Variants in ROBO2 observed in about 807,000 individuals in gnomAD.
The protein encoded by ROBO2 is roundabout guidance receptor 2, also known as roundabout homolog 2.
ROBO2 carries 53 observed loss-of-function variants against 160.8 expected under a neutral mutation model. That is an observed-to-expected ratio of 0.33 (90% CI 0.26 to 0.41). The LOEUF (loss-of-function observed/expected upper bound fraction) is 0.41. ROBO2 is among the 10% of genes least tolerant of loss of function. The pLI is 1.00. For synonymous variants in ROBO2, 664 were observed against 611.7 expected (o/e 1.09, Z -1.26); for missense variants, 1,577 against 1,722.4 (o/e 0.92, Z 1.49).
At chr3:76,009,141 C>G (rs527634326) in intron 2 of ROBO2, among the ~76,000 whole-genome samples, 2 of 152,098 alleles carry the variant, frequency 1.3e-5, no homozygotes, top group Admixed American at 6.6e-5. Context: ...CTTGCTCTGT[C>G]GCCCAGGCTG....
At chr3:75,912,759 A>T (rs2106747665) in intron 1 of ROBO2, among the ~76,000 whole-genome samples, 1 of 152,302 alleles carries the variant, frequency 6.6e-6, no homozygotes, top group South Asian at 2.1e-4. Flanking sequence ...TGATAGTGAT[A>T]ATTACAGCAA....
At chr3:76,011,651 G>A (rs1324248181) in intron 2 of ROBO2, among the ~76,000 whole-genome samples, 1 of 152,098 alleles carries the variant, frequency 6.6e-6, no homozygotes, top group Non-Finnish European at 1.5e-5. Flanking sequence ...AGGGGAAGAG[G>A]GAGGGGGAAC....
At chr3:77,366,124 C>A (rs1316123211) in intron 2 of ROBO2, among the ~76,000 whole-genome samples, 1 of 152,066 alleles carries the variant, frequency 6.6e-6, no homozygotes, top group African/African-American at 2.4e-5. Context: ...AAAAGAAGTA[C>A]ATGTTACATT....
chr3:76,121,924 C>G (rs1041339369), intron 2 of ROBO2, among the ~76,000 whole-genome samples: 1 of 152,076 alleles, frequency 6.6e-6, no homozygotes, highest in African/African-American at 2.4e-5. Context: ...TAGATAGTAT[C>G]TATGTAACGT....
intron 2 of ROBO2, among the ~76,000 whole-genome samples, chr3:77,377,483 G>A (rs776165945): frequency 8.5e-5 from 13 of 152,114 alleles, no homozygotes; most frequent in Non-Finnish European, 1.8e-4. Flanking sequence ...CCATACAAGA[G>A]AACATCCTCA....
At chr3:77,186,896 C>A (rs2081332970) in intron 2 of ROBO2, among the ~76,000 whole-genome samples, 1 of 151,926 alleles carries the variant, frequency 6.6e-6, no homozygotes. Context: ...TGAATTGTTA[C>A]ATGTTACGTA....
chr3:77,398,786 A>G (rs1391701821), intron 2 of ROBO2, among the ~76,000 whole-genome samples: 2 of 151,750 alleles, frequency 1.3e-5, no homozygotes, highest in Non-Finnish European at 2.9e-5. Context: ...GGGTTTCACC[A>G]TGTTGTCCAG....
intron 2 of ROBO2, among the ~76,000 whole-genome samples, chr3:77,435,145 A>AT (rs1367760068): frequency 2.6e-5 from 4 of 152,092 alleles, no homozygotes; most frequent in African/African-American, 9.6e-5. Flanking sequence ...CATTCTAAAC[A>AT]TTTTTTATTA....
intron 2 of ROBO2, among the ~76,000 whole-genome samples, chr3:76,533,680 C>A (rs1049131370): frequency 1.3e-5 from 2 of 151,984 alleles, no homozygotes; most frequent in Non-Finnish European, 2.9e-5. Context: ...AGAGAGTCAG[C>A]AAAGGGAGAT....
At chr3:76,100,969 A>G (rs962624872) in intron 2 of ROBO2, among the ~76,000 whole-genome samples, 2 of 152,204 alleles carry the variant, frequency 1.3e-5, no homozygotes, top group Admixed American at 1.3e-4. Flanking sequence ...ACTTAGTAAT[A>G]AATAAGTAAA....
intron 2 of ROBO2, among the ~76,000 whole-genome samples, chr3:77,391,818 C>T (rs2074766057): frequency 6.6e-6 from 1 of 152,084 alleles, no homozygotes; most frequent in Non-Finnish European, 1.5e-5. Flanking sequence ...CTCGGCCTTT[C>T]CAAAGTGCTG....
At chr3:76,116,924 A>G (rs190971218) in intron 2 of ROBO2, among the ~76,000 whole-genome samples, 1 of 152,290 alleles carries the variant, frequency 6.6e-6, no homozygotes, top group African/African-American at 2.4e-5. Flanking sequence ...TACTCTAGCT[A>G]GTAGATTTCT....
chr3:77,146,035 G>T (rs1275477731), intron 2 of ROBO2, among the ~76,000 whole-genome samples: 1 of 152,112 alleles, frequency 6.6e-6, no homozygotes, highest in African/African-American at 2.4e-5. Context: ...ACAGGGTAGA[G>T]GCCATTAGTT....
chr3:77,187,172 C>A (rs969114382), intron 2 of ROBO2, among the ~76,000 whole-genome samples: 1 of 152,046 alleles, frequency 6.6e-6, no homozygotes, highest in South Asian at 2.1e-4. Flanking sequence ...TAAAATATTT[C>A]TTCTATGAAG....
chr3:77,105,406 G>A (rs1278969646), intron 2 of ROBO2, among the ~76,000 whole-genome samples: 2 of 152,126 alleles, frequency 1.3e-5, no homozygotes, highest in African/African-American at 4.8e-5. Flanking sequence ...TATATTTTTG[G>A]TGGTGATGGT....
intron 2 of ROBO2, among the ~76,000 whole-genome samples, chr3:77,430,053 C>G (rs1292200359): frequency 6.6e-6 from 1 of 152,074 alleles, no homozygotes; most frequent in Non-Finnish European, 1.5e-5. Flanking sequence ...GGCACAGGCA[C>G]TGAATGATAG....
chr3:77,400,354 G>T (rs1581651758), intron 2 of ROBO2, among the ~76,000 whole-genome samples: 1 of 152,194 alleles, frequency 6.6e-6, no homozygotes, highest in Middle Eastern at 3.4e-3. Context: ...TAATATTTCT[G>T]AATGGTACTG....
At chr3:77,597,116 T>C (rs1184561578) in intron 19 of ROBO2, among the ~76,000 whole-genome samples, 1 of 152,012 alleles carries the variant, frequency 6.6e-6, no homozygotes, top group East Asian at 1.9e-4. Context: ...ATTTAACATG[T>C]ATTTATTGAG....
chr3:76,155,507 T>A (rs1226689304), intron 2 of ROBO2, among the ~76,000 whole-genome samples: 2 of 152,168 alleles, frequency 1.3e-5, no homozygotes, highest in African/African-American at 4.8e-5. Flanking sequence ...ATTCAGGTGA[T>A]AAATCGATTT....
Sources: gnomAD v4.1 joint callset for allele counts (sites outside exome capture counted in the v4.1 genomes callset) on GRCh38, gnomAD v4.1.1 for gene constraint, MANE v1.5 for transcripts, NCBI Gene and HGNC (gene_info 2026-07-23, HGNC 2026-07-21) for gene names.